CSMD1: variants seen among roughly 807,000 people sequenced by gnomAD.
CSMD1 encodes CUB and Sushi multiple domains 1.
In CSMD1, 213 loss-of-function variants were observed where a neutral mutation model predicts 417.5. The observed-to-expected ratio is 0.51, with a 90% CI of 0.46 to 0.57. The LOEUF (loss-of-function observed/expected upper bound fraction) is 0.57, where lower values mean the gene tolerates loss of function less well. CSMD1 is among the 20% of genes least tolerant of loss of function. CSMD1 has a pLI of 0.00. For missense variants in CSMD1, 6,923 were observed against 4,529.7 expected (o/e 1.53, Z -15.17); for synonymous variants, 2,862 against 1,736.8 (o/e 1.65, Z -16.11).
Position 4,220,797 on chromosome 8 carries a change from C to T in CSMD1, c.416-188698G>A, listed in dbSNP as rs572463808. Among the ~76,000 whole-genome samples, 4 of 152,260 alleles carry T rather than the reference C, an allele frequency of 2.6e-5. No homozygotes were observed. The East Asian group carries it at 5.8e-4, about 22-fold the overall frequency. Reference sequence around the variant, plus strand: ...CACCCAAGAAATCCTTATAACGCACCGAACGCAGCTCAGGTAAGACACCAT... The same window carrying T: ...CACCCAAGAAATCCTTATAACGCACTGAACGCAGCTCAGGTAAGACACCAT... On this transcript the variant is annotated intron_variant, in intron 3 of 69. Coordinates refer to ENST00000635120, the MANE Select transcript of CSMD1 (RefSeq NM_033225.6).
chr8:2,997,825 G>A lies in CSMD1; in HGVS notation c.8377+186C>T, dbSNP rs114180760. On this transcript the variant is annotated intron_variant, in intron 54 of 69. Coordinates refer to ENST00000635120, the MANE Select transcript of CSMD1 (RefSeq NM_033225.6). ...TTTTCGTAATTGAACATCTGGCCAC[G>A]AGACAGGAAAAAGCCATGGAGAGCT... 5.3e-5 allele frequency among the ~76,000 whole-genome samples: 8 copies of A among 152,200 alleles called. No individual in the cohort carries two copies. In the South Asian group the frequency reaches 6.2e-4, roughly 12 times the overall value.
At chr8:3,205,079 G>C (rs1318462549) in intron 31 of CSMD1, among the ~76,000 whole-genome samples, 2 of 152,234 alleles carry the variant, frequency 1.3e-5, no homozygotes, top group Non-Finnish European at 2.9e-5. Flanking sequence ...GTTGACTCAA[G>C]GATGCAGTGA....
At chr8:4,443,129 G>C (rs773933754) in intron 2 of CSMD1, among the ~76,000 whole-genome samples, 2 of 152,078 alleles carry the variant, frequency 1.3e-5, no homozygotes, top group Non-Finnish European at 2.9e-5. Flanking sequence ...GTGGTAGCTG[G>C]TATAGCAACA....
At position 3,215,344 on chromosome 8, in the gene CSMD1, G is replaced by C. The variant is rs1797822178; in HGVS notation, c.4673-653C>G. On this transcript the variant is annotated intron_variant, in intron 29 of 69. Coordinates refer to ENST00000635120, the MANE Select transcript of CSMD1 (RefSeq NM_033225.6). ...GATGATGGTCAAACATTGTGCACTG[G>C]ATGTACTAACAGCCAATAGTTCTAC... is the stretch of plus-strand genomic sequence containing the variant. Among the ~76,000 whole-genome samples, 4 of 152,182 alleles carry C rather than the reference G, an allele frequency of 2.6e-5. No individual in the cohort carries two copies. In the South Asian group the frequency reaches 8.3e-4, roughly 31 times the overall value.
chr8:3,118,622 T>A, intron 41 of CSMD1, 35 bp from the exon 42 acceptor site: 3 of 1,588,398 alleles, frequency 1.9e-6, no homozygotes, highest in Non-Finnish European at 2.6e-6. Flanking sequence ...AAAGCTTATA[T>A]TTGTGAGGTT....
At chr8:3,485,288 T>C (rs146415387) in intron 11 of CSMD1, among the ~76,000 whole-genome samples, 2 of 152,274 alleles carry the variant, frequency 1.3e-5, no homozygotes, top group Non-Finnish European at 2.9e-5. Context: ...GAAGCAATCA[T>C]AGAAGGTAAC....
intron 1 of CSMD1, among the ~76,000 whole-genome samples, chr8:4,764,033 G>C (rs1324412131): frequency 6.6e-6 from 1 of 152,166 alleles, no homozygotes; most frequent in Non-Finnish European, 1.5e-5. Flanking sequence ...GCAGCTGCTA[G>C]ATGCCCATGA....
intron 1 of CSMD1, among the ~76,000 whole-genome samples, chr8:4,865,774 A>T (rs994251885): frequency 4.0e-5 from 6 of 151,668 alleles, no homozygotes; most frequent in African/African-American, 1.5e-4. Flanking sequence ...CCCAAACAAA[A>T]CCTCAATCTA....
intron 3 of CSMD1, among the ~76,000 whole-genome samples, chr8:4,130,823 T>C (rs1173331858): frequency 2.0e-5 from 3 of 151,612 alleles, no homozygotes; most frequent in Admixed American, 6.6e-5. Flanking sequence ...ATATATAATA[T>C]TGTACTATGT....
At chr8:3,620,290 C>T (rs554265317) in intron 7 of CSMD1, among the ~76,000 whole-genome samples, 2 of 147,120 alleles carry the variant, frequency 1.4e-5, no homozygotes, top group East Asian at 1.9e-4. Context: ...GAAAGTCCTT[C>T]AAGTTGAAAT....
intron 8 of CSMD1, among the ~76,000 whole-genome samples, chr8:3,596,544 G>T (rs570845546): frequency 1.3e-5 from 2 of 152,126 alleles, no homozygotes; most frequent in Non-Finnish European, 2.9e-5. Flanking sequence ...ACTTAAATCC[G>T]TGGTTGATCA....
intron 5 of CSMD1, among the ~76,000 whole-genome samples, chr8:3,820,895 G>A (rs1347068633): frequency 6.6e-6 from 1 of 151,832 alleles, no homozygotes; most frequent in African/African-American, 2.4e-5. Flanking sequence ...CCTCCTTAAG[G>A]ACCTGCCTGA....
intron 2 of CSMD1, among the ~76,000 whole-genome samples, chr8:4,561,320 A>T (rs1395862302): frequency 6.6e-6 from 1 of 152,082 alleles, no homozygotes; most frequent in East Asian, 1.9e-4. Context: ...GTTGCAGTGA[A>T]TCGAGATCAT....
At chr8:3,195,560 G>T (rs970672324) in intron 33 of CSMD1, among the ~76,000 whole-genome samples, 2 of 152,170 alleles carry the variant, frequency 1.3e-5, no homozygotes, top group Admixed American at 6.5e-5. Context: ...TTGATTTTCG[G>T]TGTAATATAT....
At chr8:4,409,329 CTA>C (rs1222707341) in intron 3 of CSMD1, among the ~76,000 whole-genome samples, 1 of 152,142 alleles carries the variant, frequency 6.6e-6, no homozygotes, top group African/African-American at 2.4e-5. Context: ...TAATCCAAAT[CTA>C]TGTCATTCTC....
chr8:3,695,841 C>A (rs922928124), intron 7 of CSMD1, among the ~76,000 whole-genome samples: 1 of 152,148 alleles, frequency 6.6e-6, no homozygotes, highest in African/African-American at 2.4e-5. Flanking sequence ...TTATTTGTTT[C>A]ATTTCACAGA....
At chr8:4,026,994 A>C (rs1425863073) in intron 4 of CSMD1, among the ~76,000 whole-genome samples, 1 of 152,224 alleles carries the variant, frequency 6.6e-6, no homozygotes, top group Non-Finnish European at 1.5e-5. Context: ...CTGTAGTCCC[A>C]CTATGACAGA....
chr8:4,145,938 C>A (rs1159767386), intron 3 of CSMD1, among the ~76,000 whole-genome samples: 2 of 150,966 alleles, frequency 1.3e-5, no homozygotes, highest in South Asian at 2.1e-4. Flanking sequence ...GTTTGTAAGA[C>A]TGACCACGCT....
At chr8:4,729,773 C>T (rs969643139) in intron 1 of CSMD1, among the ~76,000 whole-genome samples, 1 of 152,160 alleles carries the variant, frequency 6.6e-6, no homozygotes, top group Non-Finnish European at 1.5e-5. Flanking sequence ...CAACTTAACA[C>T]ATGGATCTAT....
Sources: gnomAD v4.1 joint callset for allele counts (sites outside exome capture counted in the v4.1 genomes callset) on GRCh38, gnomAD v4.1.1 for gene constraint, MANE v1.5 for transcripts, NCBI Gene and HGNC (gene_info 2026-07-23, HGNC 2026-07-21) for gene names.